The following HFM1 variants were observed in gnomAD, a reference collection of about 807,000 sequenced individuals.
HFM1 encodes helicase for meiosis 1.
A neutral mutation model predicts 192.1 loss-of-function variants in HFM1; 169 were observed. That is an observed-to-expected ratio of 0.88 (90% CI 0.78 to 1.00). The LOEUF is 1.00. HFM1 is among the 50% of genes least tolerant of loss of function. HFM1 has a pLI of 0.00. For synonymous variants in HFM1, 525 were observed against 537.8 expected (o/e 0.98, Z 0.33); for missense variants, 1,661 against 1,668.0 (o/e 1.00, Z 0.07).
upstream of HFM1, among the ~76,000 whole-genome samples, chr1:91,406,208 T>G (rs1459422075): frequency 6.6e-6 from 1 of 152,168 alleles, no homozygotes; most frequent in Non-Finnish European, 1.5e-5. Flanking sequence ...GCCTGCACTG[T>G]GATCTTGGAC....
chr1:91,395,759 GATCAA>G (rs1475483717), intron 3 of HFM1, among the ~76,000 whole-genome samples: 5 of 151,998 alleles, frequency 3.3e-5, no homozygotes, highest in African/African-American at 1.2e-4. Context: ...AATGTGTAAT[GATCAA>G]ATCAGAGTTT....
At chr1:91,374,211 A>C (rs1367610484) in intron 13 of HFM1, among the ~76,000 whole-genome samples, 1 of 152,168 alleles carries the variant, frequency 6.6e-6, no homozygotes, top group African/African-American at 2.4e-5. Flanking sequence ...CGTGATGATT[A>C]AAGGGGGAGA....
chr1:91,351,733 AAC>A (rs1175535085), intron 16 of HFM1, 90 bp from the exon 17 acceptor site: 3 of 591,844 alleles, frequency 5.1e-6, no homozygotes, highest in African/African-American at 3.8e-5. Context: ...TTTTATATTA[AAC>A]AGTCTCCTTG....
At position 91,380,103 on chromosome 1, in the gene HFM1, C is replaced by A. The variant is rs1160543308; in HGVS notation, c.1006+1G>T. The stretch of plus-strand genomic sequence containing the variant: ...TCATCACTCTTATAATAAATACTTA[C>A]TGTAAACAATTTTAATATTCAACCA... On this transcript the variant is annotated splice_donor_variant, in intron 8 of 38. Coordinates refer to ENST00000370425, the MANE Select transcript of HFM1 (RefSeq NM_001017975.6). LOFTEE classifies it high-confidence loss of function. 5 of 1,342,902 alleles carry A rather than the reference C, an allele frequency of 3.7e-6. No individual in the cohort carries two copies. In the East Asian group the frequency reaches 1.0e-4, roughly 27 times the overall value. The allele number at this position is 1,342,902 out of a possible 1,614,324, so 83.2% of individuals were successfully genotyped here.
rs1052368835 is a variant in HFM1 at position 91,276,719 on chromosome 1, G to A, written c.3497C>T (p.Ser1166Leu). 2 of 1,537,046 alleles carry A rather than the reference G, an allele frequency of 1.3e-6. No individual in the cohort carries two copies. The highest frequency in any genetic ancestry group is 1.3e-5 in the South Asian group (1 of 79,858). The change falls in exon 32 of 39, where the codon TCA (serine) becomes TTA (leucine). Residue 1166 changes from serine (S) to leucine (L), a missense_variant. Transcript: ENST00000370425. ...AGAAATTGTTGACTCTTTAATTTCTGACTTCTGTGCAACTCCAATTTTACC... is the reference window on the plus strand; with the variant it reads ...AGAAATTGTTGACTCTTTAATTTCTAACTTCTGTGCAACTCCAATTTTACC... ...DCCKIGVAQK[S>L]EIKESTISSY...
At chr1:91,401,771 C>A (rs949168012) in intron 1 of HFM1, among the ~76,000 whole-genome samples, 5 of 152,036 alleles carry the variant, frequency 3.3e-5, no homozygotes, top group African/African-American at 1.2e-4. Context: ...TGAGTTAATG[C>A]ATATACTACA....
chr1:91,387,224 C>T (rs74789592), intron 4 of HFM1, among the ~76,000 whole-genome samples: 5 of 152,126 alleles, frequency 3.3e-5, no homozygotes, highest in Non-Finnish European at 7.3e-5. Flanking sequence ...GAAATAGAAC[C>T]TCCAGCTCAC....
chr1:91,329,091 T>C lies in HFM1; in HGVS notation c.2336-4325A>G, dbSNP rs190574072. ...AGGCAGTGACTACTGTAAGAGTATCTGGAGTATTGGGCCCAAGCGGGCTGT... is the reference window on the plus strand; with the variant it reads ...AGGCAGTGACTACTGTAAGAGTATCCGGAGTATTGGGCCCAAGCGGGCTGT... On this transcript the variant is annotated intron_variant, in intron 20 of 38. Coordinates refer to ENST00000370425, the MANE Select transcript of HFM1 (RefSeq NM_001017975.6). 4 of 1,610,148 alleles carry C rather than the reference T, an allele frequency of 2.5e-6. No individual in the cohort carries two copies. In the African/African-American group the frequency reaches 5.3e-5, roughly 21 times the overall value.
intron 30 of HFM1, among the ~76,000 whole-genome samples, chr1:91,284,649 T>C (rs1274855294): frequency 6.6e-6 from 1 of 152,216 alleles, no homozygotes; most frequent in Non-Finnish European, 1.5e-5. Flanking sequence ...GTAATTCTTA[T>C]TTAGAATGCA....
At chr1:91,278,344 C>T (rs1667144985) in intron 30 of HFM1, among the ~76,000 whole-genome samples, 1 of 152,030 alleles carries the variant, frequency 6.6e-6, no homozygotes, top group East Asian at 1.9e-4. Context: ...TTGATCTTAG[C>T]TCTCACTAGT....
Position 91,385,202 on chromosome 1 carries a change from C to G in HFM1, c.787G>C (p.Ala263Pro), listed in dbSNP as rs772757563. The change falls in exon 6 of 39, where the codon GCT (alanine) becomes CCT (proline). Residue 263 changes from alanine (A) to proline (P), a missense_variant. Physicochemically the swap from Ala to Pro is conservative, Grantham distance 27. Coordinates refer to ENST00000370425, the MANE Select transcript of HFM1 (RefSeq NM_001017975.6). Reference protein sequence around the residue: ...VTENGLGSLKAVTEIPAKFRS... With the variant: ...VTENGLGSLKPVTEIPAKFRS... ...TAAAGGATACGAATTTCTGTGACAG[C>G]CTTCAAGGAACCTAAACCATTTTCT... 5.8e-6 allele frequency: 9 copies of G among 1,562,334 alleles called. No homozygotes were observed. In the African/African-American group the frequency reaches 1.2e-4, roughly 21 times the overall value.
At chr1:91,405,428 T>C (rs887726308), upstream of HFM1, among the ~76,000 whole-genome samples, 1 of 152,250 alleles carries the variant, frequency 6.6e-6, no homozygotes, top group Non-Finnish European at 1.5e-5. Context: ...GAATGTTTTG[T>C]AGATGATAAA....
chr1:91,341,388 A>G (rs980220012), intron 20 of HFM1, among the ~76,000 whole-genome samples: 25 of 152,228 alleles, frequency 1.6e-4, no homozygotes, highest in Non-Finnish European at 2.4e-4. Flanking sequence ...GTAACTGATG[A>G]AAACAAAGGC....
At position 91,377,693 on chromosome 1, in the gene HFM1, C is replaced by T. The variant is rs565362962; in HGVS notation, c.1395+332G>A. 4 of 263,298 alleles carry T rather than the reference C, an allele frequency of 1.5e-5. No homozygotes were observed. In the East Asian group the frequency reaches 3.5e-4, roughly 23 times the overall value. 16.3% of individuals were successfully genotyped at this position (263,298 alleles called of 1,614,324 possible). A position where few individuals can be genotyped will look rare whatever the true frequency, so the allele number is the denominator to read the frequency against. On this transcript the variant is annotated intron_variant, in intron 11 of 38. Transcript: ENST00000370425. ...GCAATTATTTTTATTCTCCACCATA[C>T]TTTGCTATACAATTAGAGTCAGCTA...
chr1:91,312,118 G>C (rs1433142483), intron 30 of HFM1, among the ~76,000 whole-genome samples: 4 of 152,162 alleles, frequency 2.6e-5, no homozygotes, highest in Non-Finnish European at 5.9e-5. Flanking sequence ...TTTGCTGCAG[G>C]AGCAAAGCCC....
chr1:91,266,190 C>A, intron 35 of HFM1, 83 bp from the exon 36 acceptor site: 2 of 1,030,844 alleles, frequency 1.9e-6, no homozygotes, highest in Non-Finnish European at 2.9e-6. Context: ...ACGTTCTCTC[C>A]AACAGATATG....
chr1:91,289,730 G>A lies in HFM1; in HGVS notation c.3392-12668C>T, dbSNP rs184592363. ...ACAAAAACCAGTCAGGCGTGGCGGC[G>A]CGCGCCTGCATCCCAGGCACTCGGC... On this transcript the variant is annotated intron_variant, in intron 30 of 38. Coordinates refer to ENST00000370425, the MANE Select transcript of HFM1 (RefSeq NM_001017975.6). Among the ~76,000 whole-genome samples the A allele has an allele frequency of 3.1e-3, 473 of 152,220 alleles. 2 individuals are homozygous for A. Among genetic ancestry groups the A allele is most frequent in the African/African-American group, 5.6e-3 (232 of 41,544 alleles).
At chr1:91,337,267 A>G (rs953818711) in intron 20 of HFM1, among the ~76,000 whole-genome samples, 3 of 152,204 alleles carry the variant, frequency 2.0e-5, no homozygotes, top group Non-Finnish European at 4.4e-5. Flanking sequence ...CCCTTCTCTC[A>G]GTACACATTA....
In HFM1 at chr1:91,274,772, T is replaced by A. The variant is rs1469684948; in HGVS notation, c.3626A>T (p.Glu1209Val). Reference protein sequence around the residue: ...MNKSQSVDLKEFGFTPKPSLP... With the variant: ...MNKSQSVDLKVFGFTPKPSLP... Reference sequence around the variant, plus strand: ...GGAAGGTTTTGGAGTAAAACCAAACTCTTTAAGGTCCACACTTTGAGATTT... The same window carrying A: ...GGAAGGTTTTGGAGTAAAACCAAACACTTTAAGGTCCACACTTTGAGATTT... The change falls in exon 33 of 39, where the codon GAG becomes GTG. Residue 1209 changes from glutamate to valine, a missense_variant. By Grantham distance (121) the Glu-to-Val change is moderately radical (BLOSUM62 -2). Transcript: ENST00000370425. The A allele has an allele frequency of 6.4e-7, 1 of 1,573,280 alleles. No homozygotes were observed. The highest frequency in any genetic ancestry group is 1.7e-5 in the Admixed American group (1 of 59,468).
Sources: gnomAD v4.1 joint callset for allele counts (sites outside exome capture counted in the v4.1 genomes callset) on GRCh38, gnomAD v4.1.1 for gene constraint, MANE v1.5 for transcripts, NCBI Gene and HGNC (gene_info 2026-07-23, HGNC 2026-07-21) for gene names.